The following SYN3 variants were observed in gnomAD, a reference collection of about 807,000 sequenced individuals.
SYN3 encodes the protein synapsin-3.
In SYN3, 35 loss-of-function variants were observed where a neutral mutation model predicts 65.8. The observed-to-expected ratio is 0.53, with a 90% CI of 0.41 to 0.70. The LOEUF (loss-of-function observed/expected upper bound fraction) is 0.70. SYN3 is among the 30% of genes least tolerant of loss of function. SYN3 has a pLI of 0.00. For synonymous variants in SYN3, 270 were observed against 292.9 expected (o/e 0.92, Z 0.80); for missense variants, 680 against 749.0 (o/e 0.91, Z 1.08).
intron 3 of SYN3, among the ~76,000 whole-genome samples, chr22:32,949,412 T>C (rs1040214945): frequency 6.6e-5 from 10 of 151,264 alleles, no homozygotes; most frequent in African/African-American, 2.2e-4. Flanking sequence ...CGAGACTCTA[T>C]GTCAAAAAAA....
chr22:32,899,390 GAGA>G (rs2049695269), intron 4 of SYN3, among the ~76,000 whole-genome samples: 1 of 152,178 alleles, frequency 6.6e-6, no homozygotes, highest in African/African-American at 2.4e-5. Flanking sequence ...TGGGGTTTAG[GAGA>G]AGAAATCCTT....
intron 3 of SYN3, among the ~76,000 whole-genome samples, chr22:32,971,312 G>A (rs761031816): frequency 7.9e-5 from 12 of 152,028 alleles, no homozygotes; most frequent in Non-Finnish European, 1.3e-4. Context: ...CCCCCCAGCT[G>A]GTTCTTAGAT....
intron 6 of SYN3, among the ~76,000 whole-genome samples, chr22:32,692,488 T>A (rs2060678612): frequency 6.6e-6 from 1 of 152,210 alleles, no homozygotes; most frequent in Non-Finnish European, 1.5e-5. Flanking sequence ...ATTCAGGCCC[T>A]GGGACGAGCA....
At chr22:32,791,212 C>T (rs894720527) in intron 6 of SYN3, among the ~76,000 whole-genome samples, 5 of 152,186 alleles carry the variant, frequency 3.3e-5, no homozygotes, top group African/African-American at 7.2e-5. Context: ...CACATAGCAG[C>T]GCTCAGTAAA....
chr22:32,893,467 A>G (rs939602321), intron 4 of SYN3, among the ~76,000 whole-genome samples: 2 of 152,224 alleles, frequency 1.3e-5, no homozygotes, highest in Non-Finnish European at 2.9e-5. Context: ...ACAGGGGCCC[A>G]GGATATTGTC....
At chr22:32,740,001 G>T (rs530009992) in intron 6 of SYN3, among the ~76,000 whole-genome samples, 3 of 152,174 alleles carry the variant, frequency 2.0e-5, no homozygotes, top group African/African-American at 7.2e-5. Flanking sequence ...TAAATCCCTG[G>T]AATTGTCCAG....
At chr22:32,658,119 T>G in intron 6 of SYN3, among the ~76,000 whole-genome samples, 1 of 151,610 alleles carries the variant, frequency 6.6e-6, no homozygotes, top group African/African-American at 2.4e-5. Flanking sequence ...GGGCCGGGAG[T>G]CGGGAGGAGA....
chr22:32,643,820 G>A (rs956572480), intron 6 of SYN3, among the ~76,000 whole-genome samples: 15 of 151,608 alleles, frequency 9.9e-5, no homozygotes, highest in East Asian at 1.9e-4. Context: ...GGCCGGGCGC[G>A]GTGGCTCACA....
rs569382948 is a variant in SYN3 at position 33,016,001 on chromosome 22, C to G, written c.-162-9177G>C. On this transcript the variant is annotated intron_variant, in intron 1 of 13. Coordinates refer to ENST00000358763, the MANE Select transcript of SYN3 (RefSeq NM_003490.4). ...GGGATTACAGGCGCCCGCCACCACGCCCAGCTAATTTTTTTTGTATTTTTA... is the reference window on the plus strand; with the variant it reads ...GGGATTACAGGCGCCCGCCACCACGGCCAGCTAATTTTTTTTGTATTTTTA... Among the ~76,000 whole-genome samples, 891 of 152,208 alleles carry G rather than the reference C, an allele frequency of 5.9e-3. 7 individuals carry two copies. Among genetic ancestry groups the G allele is most frequent in the South Asian group, 0.028 (136 of 4,816 alleles).
At chr22:32,518,359 T>C (rs768457808) in intron 12 of SYN3, 25 bp from the exon 13 acceptor site, 2 of 1,609,940 alleles carry the variant, frequency 1.2e-6, no homozygotes, top group Non-Finnish European at 1.7e-6. Context: ...AAAAAAAGGT[T>C]CAGTTCAATT....
chr22:32,640,429 T>G (rs947347324), intron 6 of SYN3, among the ~76,000 whole-genome samples: 2 of 152,188 alleles, frequency 1.3e-5, no homozygotes, highest in Admixed American at 6.5e-5. Context: ...GAGAGATGAC[T>G]TTAAGCTCCT....
intron 7 of SYN3, among the ~76,000 whole-genome samples, chr22:32,546,157 G>C (rs1359608430): frequency 6.6e-6 from 1 of 152,084 alleles, no homozygotes; most frequent in Non-Finnish European, 1.5e-5. Flanking sequence ...ATAAAAAACG[G>C]ATTCTACCCC....
intron 6 of SYN3, among the ~76,000 whole-genome samples, chr22:32,720,368 A>G (rs2061099783): frequency 6.6e-6 from 1 of 152,280 alleles, no homozygotes; most frequent in South Asian, 2.1e-4. Context: ...TTTGACCCTC[A>G]TTACATGCCA....
intron 2 of SYN3, among the ~76,000 whole-genome samples, chr22:33,002,864 T>C (rs796780346): frequency 1.2e-4 from 18 of 152,262 alleles, no homozygotes; most frequent in African/African-American, 4.3e-4. Context: ...CTCACCCAAA[T>C]CTTATCTTAA....
intron 3 of SYN3, among the ~76,000 whole-genome samples, chr22:32,953,469 G>A (rs2051352495): frequency 7.6e-6 from 1 of 130,738 alleles, no homozygotes; most frequent in Non-Finnish European, 1.5e-5. Flanking sequence ...GGGGTCAGGA[G>A]AAGAATAAAT....
rs186624840 is a variant in SYN3, at chr22:33,027,760, G to C, written c.-162-20936C>G. On this transcript the variant is annotated intron_variant, in intron 1 of 13. Transcript: ENST00000358763. Reference sequence around the variant, plus strand: ...GTTCCTCATCCAAGATCAAATAGTAGGTCAGTGGCAAAAGCAGAGCTCACT... The same window carrying C: ...GTTCCTCATCCAAGATCAAATAGTACGTCAGTGGCAAAAGCAGAGCTCACT... Among the ~76,000 whole-genome samples the C allele has an allele frequency of 8.5e-5, 13 of 152,268 alleles. No individual in the cohort carries two copies. In the East Asian group the frequency reaches 2.5e-3, roughly 29 times the overall value.
intron 7 of SYN3, among the ~76,000 whole-genome samples, chr22:32,562,968 G>A (rs1250088949): frequency 6.6e-6 from 1 of 152,192 alleles, no homozygotes; most frequent in African/African-American, 2.4e-5. Flanking sequence ...GTGACCTTGG[G>A]CAAGTAACTT....
At chr22:32,883,432 T>C (rs2049198161) in intron 4 of SYN3, among the ~76,000 whole-genome samples, 1 of 152,338 alleles carries the variant, frequency 6.6e-6, no homozygotes, top group Admixed American at 6.5e-5. Context: ...TGTCTGGGGC[T>C]GTGTGTGTTT....
chr22:32,878,264 G>T (rs769150571), intron 4 of SYN3, among the ~76,000 whole-genome samples: 28 of 152,160 alleles, frequency 1.8e-4, no homozygotes, highest in Non-Finnish European at 3.8e-4. Flanking sequence ...GGAACTGGGC[G>T]TATGTCACCC....
Sources: gnomAD v4.1 joint callset for allele counts (sites outside exome capture counted in the v4.1 genomes callset) on GRCh38, gnomAD v4.1.1 for gene constraint, MANE v1.5 for transcripts, NCBI Gene and HGNC (gene_info 2026-07-23, HGNC 2026-07-21) for gene names.